Variants in KAZN observed in about 807,000 individuals in gnomAD.
KAZN encodes the protein kazrin, periplakin interacting protein.
A neutral mutation model predicts 87.4 loss-of-function variants in KAZN; 40 were observed. That is an observed-to-expected ratio of 0.46 (90% CI 0.36 to 0.60). The LOEUF (loss-of-function observed/expected upper bound fraction) is 0.60. KAZN is among the 20% of genes least tolerant of loss of function. The probability of loss-of-function intolerance (pLI) is 0.00; values close to 1 mark genes in which losing one functional copy is unlikely to be tolerated. For synonymous variants in KAZN, 466 were observed against 458.3 expected (o/e 1.02, Z -0.22); for missense variants, 898 against 1,073.9 (o/e 0.84, Z 2.29).
chr1:14,804,509 C>T (rs1203123007), intron 1 of KAZN, among the ~76,000 whole-genome samples: 2 of 152,098 alleles, frequency 1.3e-5, no homozygotes, highest in African/African-American at 4.8e-5. Flanking sequence ...GTTGAGAGTA[C>T]AGGGGAGATC....
chr1:13,907,458 G>A (rs926178968), intron 1 of KAZN, among the ~76,000 whole-genome samples: 1 of 151,498 alleles, frequency 6.6e-6, no homozygotes, highest in African/African-American at 2.4e-5. Context: ...ATGAGTGACA[G>A]GATTTAAGGC....
chr1:14,234,693 A>T (rs1319968278), intron 2 of KAZN, among the ~76,000 whole-genome samples: 1 of 152,200 alleles, frequency 6.6e-6, no homozygotes, highest in Admixed American at 6.5e-5. Context: ...TAGCAGAGTC[A>T]ATGACAAGTT....
At chr1:14,750,007 T>C (rs1644367779) in intron 1 of KAZN, among the ~76,000 whole-genome samples, 1 of 151,968 alleles carries the variant, frequency 6.6e-6, no homozygotes, top group Non-Finnish European at 1.5e-5. Context: ...GACATACCCA[T>C]GACCAAAAAA....
intron 7 of KAZN, 55 bp from the exon 8 acceptor site, chr1:15,065,575 A>G (rs1259888589): frequency 2.0e-6 from 3 of 1,486,888 alleles, no homozygotes; most frequent in Non-Finnish European, 2.8e-6. Context: ...ACCCCAGCTA[A>G]GCTTGGCTTT....
At chr1:14,617,456 T>A (rs1678343071) in intron 1 of KAZN, among the ~76,000 whole-genome samples, 1 of 152,170 alleles carries the variant, frequency 6.6e-6, no homozygotes, top group African/African-American at 2.4e-5. Flanking sequence ...TTGATAGACT[T>A]GCTGCATGAG....
At chr1:14,167,442 G>T (rs1041033121) in intron 1 of KAZN, among the ~76,000 whole-genome samples, 1 of 152,196 alleles carries the variant, frequency 6.6e-6, no homozygotes, top group African/African-American at 2.4e-5. Context: ...AAGGATGGAG[G>T]CAGGGCATGG....
chr1:15,010,386 C>CTTTTTTT (rs34697316), intron 2 of KAZN, among the ~76,000 whole-genome samples: 1 of 78,220 alleles, frequency 1.3e-5, no homozygotes, highest in African/African-American at 5.2e-5. Context: ...GGTTGTCTTG[C>CTTTTTTT]TTTTTTTTTT....
chr1:15,021,363 AC>A lies in KAZN; in HGVS notation c.419-13384del, dbSNP rs1317987056. On this transcript the variant is annotated intron_variant, in intron 2 of 14. Coordinates refer to ENST00000376030, the MANE Select transcript of KAZN (RefSeq NM_201628.3). This position sits in a 1 kb window ranked among gnomAD's most constrained non-coding sequence, Gnocchi z 4.2. ...ATCTCCATTTCCCCCTCCCGCTTCAACCTAGGGAATGTCCGTGTTCCGGGCC... is the reference window on the plus strand; with the variant it reads ...ATCTCCATTTCCCCCTCCCGCTTCAACTAGGGAATGTCCGTGTTCCGGGCC... Among the ~76,000 whole-genome samples, 2 of 152,000 alleles carry A rather than the reference AC, an allele frequency of 1.3e-5. No homozygotes were observed. Among genetic ancestry groups the A allele is most frequent in the African/African-American group, 4.8e-5 (2 of 41,364 alleles).
intron 5 of KAZN, among the ~76,000 whole-genome samples, chr1:15,058,733 C>T (rs1370938747): frequency 1.3e-5 from 2 of 152,144 alleles, no homozygotes; most frequent in African/African-American, 4.8e-5. Context: ...TATTAAATAA[C>T]AAGCAGGCCA....
chr1:13,980,298 C>T (rs1228026951), intron 1 of KAZN, among the ~76,000 whole-genome samples: 1 of 152,120 alleles, frequency 6.6e-6, no homozygotes, highest in Non-Finnish European at 1.5e-5. Context: ...TTAAGAATTA[C>T]ACTAAGTATA....
At chr1:14,612,061 G>A (rs1158209973) in intron 1 of KAZN, among the ~76,000 whole-genome samples, 3 of 152,144 alleles carry the variant, frequency 2.0e-5, no homozygotes, top group Admixed American at 6.5e-5. Flanking sequence ...AATCGTTCTC[G>A]TTTATTTGTA....
In KAZN at chr1:14,184,109, C is replaced by T. The variant is rs190796125; in HGVS notation, c.249+3517C>T. Among the ~76,000 whole-genome samples the T allele has an allele frequency of 2.2e-4, 33 of 152,306 alleles. No individual in the cohort carries two copies. The highest frequency in any genetic ancestry group is 3.4e-3 in the Middle Eastern group (1 of 294). On this transcript the variant is annotated intron_variant, in intron 2 of 16. Coordinates refer to the KAZN transcript ENST00000636203. The surrounding 1 kb of genome is among the most constrained non-coding windows in gnomAD (Gnocchi z 4.2). Reference sequence around the variant, plus strand: ...ACAACTGTCATCTCTAAACAAATCTCGAACAAAGTCCATCGTTAGGCGGAA... The same window carrying T: ...ACAACTGTCATCTCTAAACAAATCTTGAACAAAGTCCATCGTTAGGCGGAA...
chr1:14,797,313 T>A (rs10927551), intron 1 of KAZN, among the ~76,000 whole-genome samples: 34,283 of 151,944 alleles, frequency 0.23, 4,970 homozygotes, highest in East Asian at 0.49. Context: ...CGCCTGCCTC[T>A]GCCTCCCAAA....
intron 2 of KAZN, among the ~76,000 whole-genome samples, chr1:14,383,961 TC>T (rs1185398287): frequency 2.0e-5 from 3 of 152,192 alleles, no homozygotes; most frequent in Non-Finnish European, 4.4e-5. Flanking sequence ...GGAATGTTCT[TC>T]CATTTGTTTG....
chr1:14,926,876 T>G (rs1379340671), intron 1 of KAZN, among the ~76,000 whole-genome samples: 4 of 152,136 alleles, frequency 2.6e-5, no homozygotes, highest in African/African-American at 9.7e-5. Context: ...GTCTGTGAAT[T>G]GGCACTTTCA....
In KAZN at chr1:14,960,812, G is replaced by A. The variant is rs139599721; in HGVS notation, c.355G>A (p.Glu119Lys). 52 of 1,612,994 alleles carry A rather than the reference G, an allele frequency of 3.2e-5. No individual in the cohort carries two copies. Among genetic ancestry groups the A allele is most frequent in the Non-Finnish European group, 4.0e-5 (47 of 1,179,810 alleles). The change falls in exon 2 of 15, where the codon GAG (glutamate) becomes AAG (lysine). Residue 119 changes from glutamate to lysine, a missense_variant. By Grantham distance (56) the Glu-to-Lys change is moderately conservative. This residue lies in a region of KAZN where 250 missense variants were observed against 263.0 expected (regional missense o/e 0.95). Transcript: ENST00000376030. ...GKSSEVLSAT[E>K]LRVQLAQKEQ... ...GTCCTCTGAGGTCCTCTCGGCCACC[G>A]AGCTCAGGGTCCAGCTGGCCCAGAA...
chr1:14,506,685 G>A (rs1307663963), intron 2 of KAZN, among the ~76,000 whole-genome samples: 5 of 152,174 alleles, frequency 3.3e-5, no homozygotes, highest in South Asian at 2.1e-4. Flanking sequence ...ATAAGTGCCC[G>A]ATAAATTTTA....
At chr1:14,695,840 G>T (rs1641574395) in intron 1 of KAZN, among the ~76,000 whole-genome samples, 1 of 151,678 alleles carries the variant, frequency 6.6e-6, no homozygotes, top group South Asian at 2.1e-4. Context: ...TCCCTCACTG[G>T]CCATAGCTTT....
intron 1 of KAZN, among the ~76,000 whole-genome samples, chr1:13,978,163 G>C (rs1283347839): frequency 6.7e-6 from 1 of 149,402 alleles, no homozygotes; most frequent in Non-Finnish European, 1.5e-5. Context: ...GCAATTGTTG[G>C]ATTCTTAAGT....
Sources: gnomAD v4.1 joint callset for allele counts (sites outside exome capture counted in the v4.1 genomes callset) on GRCh38, gnomAD v4.1.1 for gene constraint, gnomAD v4.1.1 regional missense constraint, Gnocchi (gnomAD v3.1) non-coding constraint, MANE v1.5 for transcripts, NCBI Gene and HGNC (gene_info 2026-07-23, HGNC 2026-07-21) for gene names.